VPS45: variants seen among roughly 807,000 people sequenced by gnomAD.
The protein encoded by VPS45 is vacuolar protein sorting 45 homolog, also known as vacuolar protein sorting-associated protein 45.
Under a neutral mutation model 75.9 loss-of-function variants are expected in VPS45, and 35 were observed. The ratio of observed to expected loss-of-function variants is 0.46; its 90% CI spans 0.35 to 0.61. The LOEUF is 0.61. Among genes scored for constraint, VPS45 ranks in the 20% least tolerant of loss-of-function variants. The pLI is 0.00. For synonymous variants in VPS45, 220 were observed against 238.2 expected (o/e 0.92, Z 0.70); for missense variants, 559 against 685.9 (o/e 0.81, Z 2.07).
intron 14 of VPS45, among the ~76,000 whole-genome samples, chr1:150,132,061 G>A (rs1658866174): frequency 6.6e-6 from 1 of 152,116 alleles, no homozygotes; most frequent in Non-Finnish European, 1.5e-5. Flanking sequence ...CAGATTCCAG[G>A]GTTTTATGAA....
intron 7 of VPS45, among the ~76,000 whole-genome samples, chr1:150,078,756 C>T (rs1655533250): frequency 6.6e-6 from 1 of 151,092 alleles, no homozygotes; most frequent in African/African-American, 2.4e-5. Context: ...AGCAAGACTC[C>T]GTCTCCAAAA....
At chr1:150,118,752 C>T (rs1443691244) in intron 14 of VPS45, among the ~76,000 whole-genome samples, 1 of 152,134 alleles carries the variant, frequency 6.6e-6, no homozygotes, top group Non-Finnish European at 1.5e-5. Flanking sequence ...GGCAGTCCTG[C>T]GAAGGCCTTA....
chr1:150,085,736 G>GA (rs1231208248), intron 10 of VPS45, among the ~76,000 whole-genome samples: 3 of 151,436 alleles, frequency 2.0e-5, no homozygotes, highest in East Asian at 1.9e-4. Flanking sequence ...ATCATGACAA[G>GA]AAAAAAAAGC....
At chr1:150,098,879 C>T (rs782602894) in intron 13 of VPS45, 1 of 1,272,330 alleles carries the variant, frequency 7.9e-7, no homozygotes, top group Admixed American at 2.6e-5. Context: ...TAAAGGCAAG[C>T]AACTTTTTCA....
rs587647418 is a variant in VPS45 at position 150,092,288 on chromosome 1, C to T, written c.1264-14C>T. On this transcript the variant is annotated splice_polypyrimidine_tract_variant and intron_variant, in intron 11 of 14. Coordinates refer to ENST00000644510, the MANE Select transcript of VPS45 (RefSeq NM_007259.5). Reference sequence around the variant, plus strand: ...ATGCCTAAGCAATCAAAATTTGCTTCTCTTTCTTAATAGCTCGTGTCTGCA... The same window carrying T: ...ATGCCTAAGCAATCAAAATTTGCTTTTCTTTCTTAATAGCTCGTGTCTGCA... 6.2e-7 allele frequency: 1 copy of T among 1,611,064 alleles called. No homozygotes were observed. The highest frequency in any genetic ancestry group is 1.7e-5 in the Admixed American group (1 of 59,638).
In VPS45 at chr1:150,093,668, A is replaced by G; in HGVS notation, c.1493+20A>G. 1 of 1,601,830 alleles carries G rather than the reference A, an allele frequency of 6.2e-7. No homozygotes were observed. The highest frequency in any genetic ancestry group is 8.5e-7 in the Non-Finnish European group (1 of 1,175,908). ...AGACAGGTAAGCTAACAAAGATATT[A>G]ATAATAAAAGCCAGAAATACTGAAC... On this transcript the variant is annotated intron_variant, in intron 13 of 14. Transcript: ENST00000644510.
At position 150,144,848 on chromosome 1, in the gene VPS45, T is replaced by A; in HGVS notation, c.*52T>A. ...TTCCTCTCTTGTCCCCACTACAGGT[T>A]TTCCCTACTAAACAAAGGTGTTGGA... On this transcript the variant is annotated 3_prime_UTR_variant, in exon 15 of 15. Coordinates refer to ENST00000644510, the MANE Select transcript of VPS45 (RefSeq NM_007259.5). The A allele has an allele frequency of 6.2e-7, 1 of 1,612,194 alleles. No individual in the cohort carries two copies. Among genetic ancestry groups the A allele is most frequent in the South Asian group, 1.1e-5 (1 of 90,758 alleles).
chr1:150,129,305 T>G (rs1209765450), intron 14 of VPS45, among the ~76,000 whole-genome samples: 1 of 152,214 alleles, frequency 6.6e-6, no homozygotes, highest in Non-Finnish European at 1.5e-5. Context: ...TGTCCCTTGA[T>G]TCCAATTTGT....
intron 14 of VPS45, among the ~76,000 whole-genome samples, chr1:150,124,461 A>G (rs1469007800): frequency 8.1e-5 from 12 of 148,378 alleles, no homozygotes; most frequent in African/African-American, 3.0e-4. Context: ...TCCGTCTTGG[A>G]AAAAAAAAAT....
In VPS45 at chr1:150,118,917, A is replaced by G. The variant is rs75350355; in HGVS notation, c.1625+8290A>G. Reference sequence around the variant, plus strand: ...TGTTCACTGGCTTCCTGACCAAAGAAACTTTTGCAAAGAGGGAGTTGCTAT... The same window carrying G: ...TGTTCACTGGCTTCCTGACCAAAGAGACTTTTGCAAAGAGGGAGTTGCTAT... On this transcript the variant is annotated intron_variant, in intron 14 of 14. Coordinates refer to ENST00000644510, the MANE Select transcript of VPS45 (RefSeq NM_007259.5). Among the ~76,000 whole-genome samples the G allele has an allele frequency of 5.5e-3, 834 of 152,346 alleles. 7 individuals carry two copies. The highest frequency in any genetic ancestry group is 0.027 in the Middle Eastern group (8 of 294).
chr1:150,106,677 TCTC>T (rs142587704), intron 13 of VPS45, among the ~76,000 whole-genome samples: 7,040 of 152,224 alleles, frequency 0.046, 545 homozygotes, highest in African/African-American at 0.16. Context: ...TTCAGCTTCT[TCTC>T]TGCCGACTTC....
At position 150,071,721 on chromosome 1, in the gene VPS45, G is replaced by T. The variant is rs587732998; in HGVS notation, c.229-445G>T. Among the ~76,000 whole-genome samples, 8 of 151,720 alleles carry T rather than the reference G, an allele frequency of 5.3e-5. No homozygotes were observed. In the East Asian group the frequency reaches 1.6e-3, roughly 29 times the overall value. ...GAGAATTGCTTGAACCCAGGAGACGGAGGTTACAGTGAGCCAAGATTGTGC... is the reference window on the plus strand; with the variant it reads ...GAGAATTGCTTGAACCCAGGAGACGTAGGTTACAGTGAGCCAAGATTGTGC... On this transcript the variant is annotated intron_variant, in intron 2 of 14. Transcript: ENST00000644510.
chr1:150,136,462 A>T (rs1659104550), intron 14 of VPS45, among the ~76,000 whole-genome samples: 1 of 151,428 alleles, frequency 6.6e-6, no homozygotes, highest in South Asian at 2.1e-4. Context: ...GGCTAAGGCA[A>T]GAGAATTGCT....
intron 13 of VPS45, chr1:150,098,936 C>A: frequency 8.3e-7 from 1 of 1,207,364 alleles, no homozygotes; most frequent in South Asian, 1.5e-5. Flanking sequence ...CAGAATCAGT[C>A]AATTCAAAAA....
At position 150,113,903 on chromosome 1, in the gene VPS45, AAAG is replaced by A. The variant is rs587716714; in HGVS notation, c.1625+3294_1625+3296del. Among the ~76,000 whole-genome samples, 148 of 152,112 alleles carry A rather than the reference AAAG, an allele frequency of 9.7e-4. No individual in the cohort carries two copies. In the South Asian group the frequency reaches 0.016, roughly 16 times the overall value. ...GAGAGAGACTCTGTCTCAAAGAAAA[AAAG>A]AAGAAGAAGAAGAAGAAATAAAGGC... On this transcript the variant is annotated intron_variant, in intron 14 of 14. Coordinates refer to ENST00000644510, the MANE Select transcript of VPS45 (RefSeq NM_007259.5).
At position 150,076,299 on chromosome 1, in the gene VPS45, T is replaced by A. The variant is rs782363724; in HGVS notation, c.356T>A (p.Val119Glu). ...GCTGAAGCTGATGAACAGGAAGTTG[T>A]GGCTGAGGTTCAGGTAAACATATTG... ...SLAEADEQEV[V>E]AEVQEFYGDY... Residue 119 changes from valine (V) to glutamate (E), a missense_variant, in exon 4 of 15, where the codon GTG becomes GAG. By Grantham distance (121) the Val-to-Glu change is moderately radical. Coordinates refer to ENST00000644510, the MANE Select transcript of VPS45 (RefSeq NM_007259.5). 1 of 1,607,174 alleles carries A rather than the reference T, an allele frequency of 6.2e-7. No individual in the cohort carries two copies. The highest frequency in any genetic ancestry group is 8.5e-7 in the Non-Finnish European group (1 of 1,176,360).
chr1:150,095,721 G>C (rs756520910), intron 13 of VPS45, among the ~76,000 whole-genome samples: 5 of 152,132 alleles, frequency 3.3e-5, no homozygotes, highest in Non-Finnish European at 5.9e-5. Flanking sequence ...CAAGTTAATG[G>C]AACAGAAGGG....
At chr1:150,074,021 T>TG (rs1655230172) in intron 3 of VPS45, among the ~76,000 whole-genome samples, 2 of 150,628 alleles carry the variant, frequency 1.3e-5, no homozygotes, top group Admixed American at 6.6e-5. Flanking sequence ...TTTTTGTTTT[T>TG]TTTTTTTGTC....
intron 3 of VPS45, among the ~76,000 whole-genome samples, chr1:150,074,015 T>TC (rs1655227493): frequency 7.3e-5 from 1 of 13,658 alleles, no homozygotes; most frequent in East Asian, 3.3e-3. Flanking sequence ...GTGTTGTTTT[T>TC]GTTTTTTTTT....
Sources: gnomAD v4.1 joint callset for allele counts (sites outside exome capture counted in the v4.1 genomes callset) on GRCh38, gnomAD v4.1.1 for gene constraint, MANE v1.5 for transcripts, NCBI Gene and HGNC (gene_info 2026-07-23, HGNC 2026-07-21) for gene names.